Variants in MBL2 observed in about 807,000 individuals in gnomAD.
MBL2 encodes the protein mannose-binding protein C.
A neutral mutation model predicts 12.7 loss-of-function variants in MBL2; 6 were observed. The observed-to-expected ratio is 0.47, with a 90% CI of 0.26 to 0.94. MBL2 has a LOEUF of 0.94. Among genes scored for constraint, MBL2 ranks in the 40% least tolerant of loss-of-function variants. The pLI is 0.15. For synonymous variants in MBL2, 114 were observed against 112.0 expected, an observed-to-expected ratio of 1.02 and a Z score of -0.11; for missense variants, 307 against 295.2, an observed-to-expected ratio of 1.04 and a Z score of -0.29.
rs1008597604 is a variant in MBL2 at position 52,772,509 on chromosome 10, C to T, written c.-10+228G>A. 2.0e-5 allele frequency among the ~76,000 whole-genome samples: 3 copies of T among 152,132 alleles called. No individual in the cohort carries two copies. In the East Asian group the frequency reaches 5.8e-4, roughly 29 times the overall value. On this transcript the variant is annotated intron_variant, in intron 1 of 4. Transcript: ENST00000674931. ...GCCTAGCCCCATAGGTCTAAGCCTC[C>T]AAGTTTCCCTTTGAAAACAAAGACA...
In MBL2 at chr10:52,765,412, AG is replaced by A. The variant is rs1407047951; in HGVS notation, c.*2724del. ...AAATGGAGTTTATTCCATCAAAGCA[AG>A]GTTGATTTAATTTTTAAAAATCGAT... On this transcript the variant is annotated 3_prime_UTR_variant, in exon 5 of 5. Coordinates refer to ENST00000674931, the MANE Select transcript of MBL2 (RefSeq NM_001378373.1). 6.6e-6 allele frequency: 1 copy of A among 152,218 alleles called. No homozygotes were observed. The highest frequency in any genetic ancestry group is 2.4e-5 in the African/African-American group (1 of 41,468). The allele number at this position is 152,218 out of a possible 1,614,324, so 9.4% of individuals were successfully genotyped here.
At chr10:52,771,395 G>T in intron 2 of MBL2, 54 bp downstream of exon 2, 1 of 1,589,930 alleles carries the variant, frequency 6.3e-7, no homozygotes, top group East Asian at 2.2e-5. Context: ...ATATCCCCAG[G>T]CAGTTTCCTC....
Position 52,766,074 on chromosome 10 carries a change from T to C in MBL2, c.*2063A>G, listed in dbSNP as rs1488944749. 6.6e-6 allele frequency: 1 copy of C among 151,852 alleles called. No individual in the cohort carries two copies. Among genetic ancestry groups the C allele is most frequent in the Non-Finnish European group, 1.5e-5 (1 of 67,924 alleles). The allele number at this position is 151,852 out of a possible 1,614,324, so 9.4% of individuals were successfully genotyped here. On this transcript the variant is annotated 3_prime_UTR_variant, in exon 5 of 5. Transcript: ENST00000674931. ...AACTAAAAATGTCAAAACATAGCAA[T>C]TAAGTTAAAGAAATTCTAGTTACAT...
At position 52,770,759 on chromosome 10, in the gene MBL2, G is replaced by A. The variant is rs762180558; in HGVS notation, c.215C>T (p.Pro72Leu). Residue 72 changes from proline to leucine, a missense_variant, in exon 3 of 5, where the codon CCC becomes CTC. Physicochemically the swap from Pro to Leu is moderately conservative, Grantham distance 98. Coordinates refer to ENST00000674931, the MANE Select transcript of MBL2 (RefSeq NM_001378373.1). Reference protein sequence around the residue: ...PGQGLRGLQGPPGKLGPPGNP... With the variant: ...PGQGLRGLQGLPGKLGPPGNP... ...TCCTGGAGGCCCCAACTTTCCAGGG[G>A]GGCCCTGTAAGCCTCTGAGCCCTTG... The A allele has an allele frequency of 6.6e-7, 1 of 1,511,740 alleles. No homozygotes were observed. The highest frequency in any genetic ancestry group is 1.3e-5 in the South Asian group (1 of 76,404). 93.6% of individuals were successfully genotyped at this position (1,511,740 alleles called of 1,614,324 possible). A position where few individuals can be genotyped will look rare whatever the true frequency, so the allele number is the denominator to read the frequency against.
In MBL2 at chr10:52,768,450, A is replaced by G; in HGVS notation, c.434T>C (p.Ile145Thr). The G allele has an allele frequency of 6.2e-7, 1 of 1,608,454 alleles. No homozygotes were observed. Among genetic ancestry groups the G allele is most frequent in the Non-Finnish European group, 8.5e-7 (1 of 1,178,120 alleles). The change falls in exon 5 of 5, where the codon ATA becomes ACA. Residue 145 changes from isoleucine (I) to threonine (T), a missense_variant. Physicochemically the swap from Ile to Thr is moderately conservative, Grantham distance 89 (BLOSUM62 -1). Coordinates refer to ENST00000674931, the MANE Select transcript of MBL2 (RefSeq NM_001378373.1). ...GGCCTTCACTTTTTCAAAGGTCATTATTTCACCATTGGTCAGGAAGAACTT... is the reference window on the plus strand; with the variant it reads ...GGCCTTCACTTTTTCAAAGGTCATTGTTTCACCATTGGTCAGGAAGAACTT... Reference protein sequence around the residue: ...GNKFFLTNGEIMTFEKVKALC... With the variant: ...GNKFFLTNGETMTFEKVKALC...
chr10:52,772,285 G>C (rs1427033757), intron 1 of MBL2, among the ~76,000 whole-genome samples: 2 of 152,118 alleles, frequency 1.3e-5, no homozygotes, highest in African/African-American at 4.8e-5. Context: ...ATTTTCTCTG[G>C]AAATTTCTTA....
In MBL2 at chr10:52,769,232, A is replaced by G. The variant is rs1306246026; in HGVS notation, c.373+15T>C. 1.3e-6 allele frequency: 2 copies of G among 1,585,980 alleles called. No individual in the cohort carries two copies. Among genetic ancestry groups the G allele is most frequent in the Admixed American group, 3.6e-5 (2 of 55,440 alleles). ...CAAACTTCAAGCTGCCTGGAGAGTA[A>G]GAGAAAAAGCTTACACTTTTTGATA... is the stretch of plus-strand genomic sequence containing the variant. On this transcript the variant is annotated intron_variant, in intron 4 of 4. Transcript: ENST00000674931.
Position 52,766,366 on chromosome 10 carries a change from A to G in MBL2, c.*1771T>C, listed in dbSNP as rs528646585. The G allele has an allele frequency of 4.8e-4, 73 of 152,286 alleles. No individual in the cohort carries two copies. The highest frequency in any genetic ancestry group is 1.7e-3 in the African/African-American group (69 of 41,562). The allele number at this position is 152,286 out of a possible 1,614,324, so 9.4% of individuals were successfully genotyped here. Reference sequence around the variant, plus strand: ...AATAGACTAGAATAGACAGCCCAGAAACAGACACACACACATACAGTTACC... The same window carrying G: ...AATAGACTAGAATAGACAGCCCAGAGACAGACACACACACATACAGTTACC... On this transcript the variant is annotated 3_prime_UTR_variant, in exon 5 of 5. Transcript: ENST00000674931.
intron 3 of MBL2, 110 bp from the exon 4 acceptor site, chr10:52,769,425 A>T (rs1232557782): frequency 3.1e-6 from 2 of 645,874 alleles, no homozygotes; most frequent in Admixed American, 5.6e-5. Context: ...AGCTTATTTT[A>T]CATTGATGTT....
In MBL2 at chr10:52,768,212, C is replaced by T. The variant is rs753280437; in HGVS notation, c.672G>A (p.Leu224=). The change falls in exon 5 of 5, where the codon TTG becomes TTA. Residue 224 remains leucine, a synonymous_variant. Coordinates refer to ENST00000674931, the MANE Select transcript of MBL2 (RefSeq NM_001378373.1). ...CATTCCACTGGCCATTTTTCAGTAG[C>T]AATACACAATCTTCATCAGAACCAG... ...NNAGSDEDCV[L]LLKNGQWNDV... 55 of 1,613,622 alleles carry T rather than the reference C, an allele frequency of 3.4e-5. 1 individual carries two copies. In the Admixed American group the frequency reaches 9.0e-4, roughly 26 times the overall value.
Position 52,768,418 on chromosome 10 carries a change from C to A in MBL2, c.466G>T (p.Val156Phe). 1 of 1,612,930 alleles carries A rather than the reference C, an allele frequency of 6.2e-7. No homozygotes were observed. The highest frequency in any genetic ancestry group is 1.3e-5 in the African/African-American group (1 of 74,756). Residue 156 changes from valine to phenylalanine, a missense_variant, in exon 5 of 5, where the codon GTC becomes TTC. Physicochemically the swap from Val to Phe is conservative, Grantham distance 50 (BLOSUM62 -1). Coordinates refer to ENST00000674931, the MANE Select transcript of MBL2 (RefSeq NM_001378373.1). The part of the protein sequence containing the change: ...MTFEKVKALC[V>F]KFQASVATPR... ...GTGGCCACAGAGGCCTGGAACTTGACACACAAGGCCTTCACTTTTTCAAAG... is the reference window on the plus strand; with the variant it reads ...GTGGCCACAGAGGCCTGGAACTTGAAACACAAGGCCTTCACTTTTTCAAAG...
At chr10:52,771,796 C>G (rs1840397407) in intron 1 of MBL2, 152 bp from the exon 2 acceptor site, 1 of 1,081,904 alleles carries the variant, frequency 9.2e-7, no homozygotes, top group Non-Finnish European at 1.3e-6. Flanking sequence ...AGTAAACATT[C>G]CTTGTGACAC....
chr10:52,768,355 G>T lies in MBL2; in HGVS notation c.529C>A (p.Leu177Ile). Residue 177 changes from leucine (L) to isoleucine (I), a missense_variant, in exon 5 of 5, where the codon CTC becomes ATC. Leu to Ile is a conservative substitution (Grantham distance 5). Coordinates refer to ENST00000674931, the MANE Select transcript of MBL2 (RefSeq NM_001378373.1). The part of the protein sequence containing the change: ...NAAENGAIQN[L>I]IKEEAFLGIT... The stretch of plus-strand genomic sequence containing the variant: ...CCCAGGAAGGCTTCCTCCTTGATGA[G>T]ATTCTGAATGGCTCCATTCTCTGCA... 1.2e-6 allele frequency: 2 copies of T among 1,613,880 alleles called. No homozygotes were observed. The highest frequency in any genetic ancestry group is 1.7e-6 in the Non-Finnish European group (2 of 1,179,994).
rs766727655 is a variant in MBL2 at position 52,770,686 on chromosome 10, G to T, written c.288C>A (p.Asp96Glu). 2 of 1,489,716 alleles carry T rather than the reference G, an allele frequency of 1.3e-6. No homozygotes were observed. Among genetic ancestry groups the T allele is most frequent in the Middle Eastern group, 1.8e-4 (1 of 5,478 alleles). The allele number at this position is 1,489,716 out of a possible 1,614,324, so 92.3% of individuals were successfully genotyped here. The change falls in exon 3 of 5, where the codon GAC (aspartate) becomes GAA (glutamate). Residue 96 changes from aspartate to glutamate, a missense_variant. Coordinates refer to ENST00000674931, the MANE Select transcript of MBL2 (RefSeq NM_001378373.1). The stretch of plus-strand genomic sequence containing the variant: ...GGTCCTTACCCGGACTTTTTCCAGG[G>T]TCTCCTTTTTGGCCCTTTGGTCCTG... ...GSPGPKGQKG[D>E]PGKSPDGDSS...
chr10:52,767,256 A>C lies in MBL2; in HGVS notation c.*881T>G, dbSNP rs1223965890. 1.3e-5 allele frequency: 2 copies of C among 151,958 alleles called. No homozygotes were observed. Among genetic ancestry groups the C allele is most frequent in the Non-Finnish European group, 2.9e-5 (2 of 68,026 alleles). The allele number at this position is 151,958 out of a possible 1,614,324, so 9.4% of individuals were successfully genotyped here. A position where few individuals can be genotyped will look rare whatever the true frequency, so the allele number is the denominator to read the frequency against. On this transcript the variant is annotated 3_prime_UTR_variant, in exon 5 of 5. Transcript: ENST00000674931. Reference sequence around the variant, plus strand: ...GGAAGCCACTTAAGTGCCTATTAACAATAGAATGGATGAACTGAGGAATAT... The same window carrying C: ...GGAAGCCACTTAAGTGCCTATTAACCATAGAATGGATGAACTGAGGAATAT...
intron 1 of MBL2, 151 bp from the exon 2 acceptor site, chr10:52,771,795 T>A: frequency 9.1e-7 from 1 of 1,103,004 alleles, no homozygotes; most frequent in Non-Finnish European, 1.3e-6. Flanking sequence ...AAGTAAACAT[T>A]CCTTGTGACA....
chr10:52,771,123 T>C (rs1840386022), intron 2 of MBL2, among the ~76,000 whole-genome samples: 2 of 152,160 alleles, frequency 1.3e-5, no homozygotes, highest in Admixed American at 6.5e-5. Flanking sequence ...TGACTCCATC[T>C]CTTCTTTGGC....
chr10:52,768,545 C>T, intron 4 of MBL2, 35 bp from the exon 5 acceptor site: 1 of 1,460,720 alleles, frequency 6.8e-7, no homozygotes, highest in Middle Eastern at 1.8e-4. Flanking sequence ...ACTGACTCAT[C>T]CTTAAGCCCA....
Position 52,768,339 on chromosome 10 carries a change from G to T in MBL2, c.545C>A (p.Ala182Asp). 1.9e-6 allele frequency: 3 copies of T among 1,613,850 alleles called. No individual in the cohort carries two copies. The highest frequency in any genetic ancestry group is 1.1e-5 in the South Asian group (1 of 91,080). Residue 182 changes from alanine to aspartate, a missense_variant, in exon 5 of 5, where the codon GCC becomes GAC. Physicochemically the swap from Ala to Asp is moderately radical, Grantham distance 126. Coordinates refer to ENST00000674931, the MANE Select transcript of MBL2 (RefSeq NM_001378373.1). Reference sequence around the variant, plus strand: ...CTTCTCATCAGTGATGCCCAGGAAGGCTTCCTCCTTGATGAGATTCTGAAT... The same window carrying T: ...CTTCTCATCAGTGATGCCCAGGAAGTCTTCCTCCTTGATGAGATTCTGAAT... ...GAIQNLIKEE[A>D]FLGITDEKTE... is the part of the protein sequence containing the mutation.
Sources: allele counts gnomAD v4.1 joint callset (sites outside exome capture counted in the v4.1 genomes callset), GRCh38; gene constraint gnomAD v4.1.1; transcripts MANE v1.5; gene names NCBI Gene and HGNC (gene_info 2026-07-23, HGNC 2026-07-21).